GALNT13: variants seen among roughly 807,000 people sequenced by gnomAD.
The protein encoded by GALNT13 is UDP-GalNAc:polypeptide N-acetylgalactosaminyltransferase 13.
A neutral mutation model predicts 64.2 loss-of-function variants in GALNT13; 28 were observed. That is an observed-to-expected ratio of 0.44 (90% CI 0.32 to 0.60). The LOEUF (loss-of-function observed/expected upper bound fraction) is 0.60. Ranked by LOEUF, GALNT13 falls within the 20% of genes least tolerant of loss-of-function variation. GALNT13 has a pLI of 0.05. For synonymous variants in GALNT13, 214 were observed against 224.6 expected (o/e 0.95, Z 0.42); for missense variants, 577 against 669.8 (o/e 0.86, Z 1.53).
chr2:153,282,744 G>T, the GALNT13 span, among the ~76,000 whole-genome samples: 1 of 152,084 alleles, frequency 6.6e-6, no homozygotes, highest in African/African-American at 2.4e-5. Context: ...TCAGATTTTT[G>T]CATTGGCTTT....
chr2:153,278,184 C>T, the GALNT13 span, among the ~76,000 whole-genome samples: 1 of 151,854 alleles, frequency 6.6e-6, no homozygotes, highest in Admixed American at 6.6e-5. Flanking sequence ...CTGTCCGCCT[C>T]GGCCTCCCAA....
At chr2:153,164,906 T>C in the GALNT13 span, among the ~76,000 whole-genome samples, 2 of 152,226 alleles carry the variant, frequency 1.3e-5, no homozygotes. Flanking sequence ...CTACTCTGAT[T>C]ATCATAATTT....
chr2:153,668,197 A>G, the GALNT13 span, among the ~76,000 whole-genome samples: 1 of 152,150 alleles, frequency 6.6e-6, no homozygotes, highest in African/African-American at 2.4e-5. Flanking sequence ...GTATTAGACC[A>G]TTTAGACAGA....
At chr2:154,018,190 T>C (rs572099206) in intron 3 of GALNT13, among the ~76,000 whole-genome samples, 1 of 152,314 alleles carries the variant, frequency 6.6e-6, no homozygotes, top group Non-Finnish European at 1.5e-5. Flanking sequence ...TCAGTAAATA[T>C]ATGAACGGAA....
At chr2:153,081,835 T>C in the GALNT13 span, among the ~76,000 whole-genome samples, 1 of 152,100 alleles carries the variant, frequency 6.6e-6, no homozygotes, top group African/African-American at 2.4e-5. Flanking sequence ...AACATGGGAG[T>C]GCAGATATTT....
chr2:154,215,624 G>A (rs905241488), intron 4 of GALNT13, among the ~76,000 whole-genome samples: 17 of 152,000 alleles, frequency 1.1e-4, no homozygotes, highest in African/African-American at 2.7e-4. Context: ...ACCCTTCTTC[G>A]TATCCGGTAG....
chr2:153,115,455 T>C, the GALNT13 span, among the ~76,000 whole-genome samples: 1 of 152,222 alleles, frequency 6.6e-6, no homozygotes, highest in Non-Finnish European at 1.5e-5. Context: ...GTAAAGCTTT[T>C]TCTCATGTTT....
chr2:153,692,276 C>G, the GALNT13 span, among the ~76,000 whole-genome samples: 2 of 152,090 alleles, frequency 1.3e-5, no homozygotes, highest in Admixed American at 1.3e-4. Flanking sequence ...GTTCTGTTTA[C>G]TTGGAAGCTG....
At chr2:154,037,213 A>C (rs905420771) in intron 3 of GALNT13, among the ~76,000 whole-genome samples, 5 of 152,130 alleles carry the variant, frequency 3.3e-5, no homozygotes, top group African/African-American at 9.7e-5. Flanking sequence ...CCAACTTAAG[A>C]GTCAGAAAAC....
chr2:154,151,348 A>C (rs1416777371), intron 4 of GALNT13, among the ~76,000 whole-genome samples: 4 of 152,110 alleles, frequency 2.6e-5, no homozygotes, highest in African/African-American at 7.2e-5. Context: ...CTTTACTTCC[A>C]AGTATGTGGT....
At chr2:153,437,693 A>G in the GALNT13 span, among the ~76,000 whole-genome samples, 2 of 152,120 alleles carry the variant, frequency 1.3e-5, no homozygotes, top group East Asian at 1.9e-4. Context: ...ATCTTCCTCC[A>G]TCCCTTTATT....
At chr2:153,985,031 T>C (rs927648161) in intron 3 of GALNT13, among the ~76,000 whole-genome samples, 1 of 152,008 alleles carries the variant, frequency 6.6e-6, no homozygotes, top group African/African-American at 2.4e-5. Context: ...TGCCTTGCAA[T>C]CTTTTATCTG....
chr2:153,545,069 T>G, the GALNT13 span, among the ~76,000 whole-genome samples: 2 of 152,088 alleles, frequency 1.3e-5, no homozygotes, highest in African/African-American at 4.8e-5. Flanking sequence ...TTCTCCTAAT[T>G]TTAGGATTAT....
chr2:153,815,152 A>G, the GALNT13 span, among the ~76,000 whole-genome samples: 1 of 152,194 alleles, frequency 6.6e-6, no homozygotes, highest in Admixed American at 6.5e-5. Context: ...AGTCTTTCTC[A>G]GATGGACTTC....
rs566968133 is a variant in GALNT13, at chr2:153,920,369, A to G, written c.-105+19362A>G. On this transcript the variant is annotated intron_variant, in intron 2 of 12. Transcript: ENST00000392825. ...CTGATCTTCCACAAAGCTAACAAAAACAAGCAATGGGGAAAGGACTCTGTA... is the reference window on the plus strand; with the variant it reads ...CTGATCTTCCACAAAGCTAACAAAAGCAAGCAATGGGGAAAGGACTCTGTA... Among the ~76,000 whole-genome samples the G allele has an allele frequency of 3.9e-4, 59 of 152,242 alleles. No homozygotes were observed. The South Asian group carries it at 0.012, about 31-fold the overall frequency.
the GALNT13 span, among the ~76,000 whole-genome samples, chr2:153,106,317 T>G: frequency 6.6e-6 from 1 of 152,130 alleles, no homozygotes; most frequent in African/African-American, 2.4e-5. Context: ...ACTTGGCCTG[T>G]GTTCAGGGGG....
chr2:154,260,048 A>AT (rs974221718), intron 8 of GALNT13, among the ~76,000 whole-genome samples: 55 of 150,350 alleles, frequency 3.7e-4, no homozygotes, highest in African/African-American at 9.3e-4. Context: ...ACTCCTAGCT[A>AT]TTTGTTTTTC....
chr2:153,297,859 G>A, the GALNT13 span, among the ~76,000 whole-genome samples: 9 of 152,284 alleles, frequency 5.9e-5, 1 homozygote, highest in Middle Eastern at 6.8e-3. Context: ...GTCACAATGT[G>A]CTGACTGAAA....
chr2:153,921,714 C>T (rs527528149), intron 2 of GALNT13, among the ~76,000 whole-genome samples: 27 of 151,854 alleles, frequency 1.8e-4, no homozygotes, highest in Admixed American at 5.9e-4. Flanking sequence ...TTGGAATGGC[C>T]GAGAGATACA....
Sources: allele counts gnomAD v4.1 joint callset (sites outside exome capture counted in the v4.1 genomes callset), GRCh38; gene constraint gnomAD v4.1.1; transcripts MANE v1.5; gene names NCBI Gene and HGNC (gene_info 2026-07-23, HGNC 2026-07-21).